Variants in EXOC6B observed in about 807,000 individuals in gnomAD.
The protein encoded by EXOC6B is SEC15 homolog B.
A neutral mutation model predicts 113.5 loss-of-function variants in EXOC6B; 54 were observed. The ratio of observed to expected loss-of-function variants is 0.48; its 90% confidence interval spans 0.38 to 0.60. EXOC6B has a LOEUF of 0.60. Ranked by LOEUF, EXOC6B falls within the 20% of genes least tolerant of loss-of-function variation. The pLI, the probability that EXOC6B is intolerant of heterozygous loss-of-function variation, is 0.00. For synonymous variants in EXOC6B, 357 were observed against 339.0 expected, an observed-to-expected ratio of 1.05 and a Z score of -0.58; for missense variants, 797 against 977.5, an observed-to-expected ratio of 0.82 and a Z score of 2.46.
At chr2:72,733,015 T>TA in intron 3 of EXOC6B, 56 bp downstream of exon 3, 1 of 1,209,522 alleles carries the variant, frequency 8.3e-7, no homozygotes, top group Admixed American at 2.0e-5. Context: ...ACATAGTCAT[T>TA]AAAAGAGAGT....
chr2:72,485,095 A>G (rs6714580), intron 16 of EXOC6B, among the ~76,000 whole-genome samples: 20,643 of 152,170 alleles, frequency 0.14, 1,726 homozygotes, highest in African/African-American at 0.24. Context: ...ACGGTGTAAA[A>G]GCATTCCTAT....
At chr2:72,746,980 G>A (rs1681742878) in intron 1 of EXOC6B, among the ~76,000 whole-genome samples, 1 of 151,990 alleles carries the variant, frequency 6.6e-6, no homozygotes, top group Admixed American at 6.6e-5. Context: ...TGCTTGCTAC[G>A]ATACAATTAG....
rs1394317933 is a variant in EXOC6B at position 72,452,479 on chromosome 2, A to C, written c.1980+12681T>G. The stretch of plus-strand genomic sequence containing the variant: ...GACAATAATATCTACAGGAGTTCAC[A>C]AGAAAATCAAACCTTGGGGTATGAA... On this transcript the variant is annotated intron_variant, in intron 18 of 21. Coordinates refer to ENST00000272427, the MANE Select transcript of EXOC6B (RefSeq NM_015189.3). 2.0e-5 allele frequency among the ~76,000 whole-genome samples: 3 copies of C among 152,222 alleles called. No homozygotes were observed. The East Asian group carries it at 5.8e-4, about 29-fold the overall frequency.
At chr2:72,673,140 C>A (rs565397454) in intron 6 of EXOC6B, among the ~76,000 whole-genome samples, 2 of 151,984 alleles carry the variant, frequency 1.3e-5, no homozygotes, top group Non-Finnish European at 2.9e-5. Context: ...TTTTTTAAAT[C>A]CTCCAGTGGT....
Position 72,594,604 on chromosome 2 carries a change from T to C in EXOC6B, c.670-18936A>G, listed in dbSNP as rs111804360. On this transcript the variant is annotated intron_variant, in intron 6 of 21. Coordinates refer to ENST00000272427, the MANE Select transcript of EXOC6B (RefSeq NM_015189.3). ...GTGTTTTGATACAAACAACCCAACT[T>C]GTTTCTGCTGTCTTCCTATTACTGC... Among the ~76,000 whole-genome samples the C allele has an allele frequency of 5.3e-5, 8 of 152,302 alleles. 1 individual carries two copies. Among genetic ancestry groups the C allele is most frequent in the African/African-American group, 1.9e-4 (8 of 41,570 alleles).
intron 17 of EXOC6B, among the ~76,000 whole-genome samples, chr2:72,470,514 C>T (rs1034017227): frequency 5.3e-5 from 8 of 151,950 alleles, no homozygotes; most frequent in Admixed American, 1.3e-4. Context: ...CATTGCACAA[C>T]GCGCAGGTTT....
intron 6 of EXOC6B, among the ~76,000 whole-genome samples, chr2:72,656,349 T>C (rs1213119444): frequency 6.6e-6 from 1 of 152,048 alleles, no homozygotes; most frequent in African/African-American, 2.4e-5. Context: ...TTCTATCTCA[T>C]ACTAAAAACT....
intron 20 of EXOC6B, among the ~76,000 whole-genome samples, chr2:72,323,687 G>T (rs1687972142): frequency 6.6e-6 from 1 of 152,048 alleles, no homozygotes; most frequent in South Asian, 2.1e-4. Context: ...CCTTTGCAGG[G>T]ACATAGATGA....
chr2:72,270,227 T>C (rs1416023403), intron 20 of EXOC6B, among the ~76,000 whole-genome samples: 1 of 152,128 alleles, frequency 6.6e-6, no homozygotes, highest in Non-Finnish European at 1.5e-5. Context: ...CTAAAACCCC[T>C]GGGTGGTCAA....
chr2:72,320,227 A>ATAT (rs1315152325), intron 20 of EXOC6B, among the ~76,000 whole-genome samples: 1 of 149,906 alleles, frequency 6.7e-6, no homozygotes, highest in Non-Finnish European at 1.5e-5. Context: ...TTACATATAC[A>ATAT]GTTTTACATA....
intron 6 of EXOC6B, among the ~76,000 whole-genome samples, chr2:72,639,995 C>A (rs774512269): frequency 2.0e-5 from 3 of 152,110 alleles, no homozygotes; most frequent in East Asian, 1.9e-4. Context: ...ACCTCTCAAG[C>A]GAGGGTTCTG....
intron 18 of EXOC6B, among the ~76,000 whole-genome samples, chr2:72,397,273 C>A (rs1558625171): frequency 6.6e-6 from 1 of 152,090 alleles, no homozygotes. Flanking sequence ...GACCTCAGCC[C>A]TGATATTCCT....
intron 8 of EXOC6B, chr2:72,515,594 C>A: frequency 1.0e-6 from 1 of 998,818 alleles, no homozygotes; most frequent in Non-Finnish European, 1.2e-6. Flanking sequence ...AGTATTCCCC[C>A]TTAGGTTATA....
intron 20 of EXOC6B, among the ~76,000 whole-genome samples, chr2:72,189,713 G>A (rs543968197): frequency 2.6e-5 from 4 of 151,378 alleles, no homozygotes; most frequent in Admixed American, 6.6e-5. Flanking sequence ...GCACAAACTC[G>A]CCACCGTGCC....
intron 2 of EXOC6B, 139 bp downstream of exon 2, chr2:72,741,165 G>A (rs748772388): frequency 6.3e-6 from 5 of 796,510 alleles, no homozygotes; most frequent in Non-Finnish European, 7.5e-6. Flanking sequence ...AAGAATGTAC[G>A]TTTCAGTATA....
intron 18 of EXOC6B, among the ~76,000 whole-genome samples, chr2:72,440,695 G>A (rs1378050529): frequency 5.3e-5 from 8 of 152,116 alleles, no homozygotes; most frequent in African/African-American, 1.9e-4. Flanking sequence ...AACCTTAAAT[G>A]TAAATAGGCT....
intron 11 of EXOC6B, among the ~76,000 whole-genome samples, chr2:72,512,742 C>T (rs1041606259): frequency 1.3e-5 from 2 of 151,906 alleles, no homozygotes; most frequent in Admixed American, 1.3e-4. Flanking sequence ...TATTGTATGG[C>T]ATTAGGCTGG....
intron 11 of EXOC6B, among the ~76,000 whole-genome samples, chr2:72,507,594 A>G (rs1397164740): frequency 6.6e-6 from 1 of 152,094 alleles, no homozygotes; most frequent in Non-Finnish European, 1.5e-5. Flanking sequence ...AAATAATAAA[A>G]TGAAACTCCA....
chr2:72,646,647 T>A (rs576768043), intron 6 of EXOC6B, among the ~76,000 whole-genome samples: 4 of 152,118 alleles, frequency 2.6e-5, no homozygotes, highest in Non-Finnish European at 5.9e-5. Flanking sequence ...TGGTTCAACA[T>A]ACGCAAATCA....
Sources: gnomAD v4.1 joint callset for allele counts (sites outside exome capture counted in the v4.1 genomes callset) on GRCh38, gnomAD v4.1.1 for gene constraint, MANE v1.5 for transcripts, NCBI Gene and HGNC (gene_info 2026-07-23, HGNC 2026-07-21) for gene names.